Variants in ULK4 observed in about 807,000 individuals in gnomAD.
ULK4 encodes unc-51 like kinase 4.
Under a neutral mutation model 160.6 loss-of-function variants are expected in ULK4, and 133 were observed. The ratio of observed to expected loss-of-function variants is 0.83; its 90% CI spans 0.72 to 0.96. The LOEUF (loss-of-function observed/expected upper bound fraction) is 0.96, where lower values mean the gene tolerates loss of function less well. Among genes scored for constraint, ULK4 ranks in the 40% least tolerant of loss-of-function variants. The pLI, the probability that ULK4 is intolerant of heterozygous loss-of-function variation, is 0.00. For missense variants in ULK4, 1,580 were observed against 1,499.5 expected (o/e 1.05, Z -0.89); for synonymous variants, 534 against 539.8 (o/e 0.99, Z 0.15).
At chr3:41,782,410 G>C (rs758748646) in intron 21 of ULK4, among the ~76,000 whole-genome samples, 2 of 152,066 alleles carry the variant, frequency 1.3e-5, no homozygotes, top group Admixed American at 6.6e-5. Flanking sequence ...ATTTAGAACA[G>C]AGACACAGCT....
intron 35 of ULK4, among the ~76,000 whole-genome samples, chr3:41,372,034 A>T (rs1220690918): frequency 2.6e-5 from 4 of 151,814 alleles, no homozygotes; most frequent in Non-Finnish European, 5.9e-5. Flanking sequence ...CAAGCAGAAG[A>T]AAGGATATCA....
At chr3:41,709,669 G>C (rs920398618) in intron 25 of ULK4, among the ~76,000 whole-genome samples, 1 of 152,202 alleles carries the variant, frequency 6.6e-6, no homozygotes, top group Non-Finnish European at 1.5e-5. Context: ...ACAGGCGTGA[G>C]CCACCATGCC....
At chr3:41,702,414 G>A (rs1177646896) in intron 27 of ULK4, among the ~76,000 whole-genome samples, 1 of 151,986 alleles carries the variant, frequency 6.6e-6, no homozygotes, top group Non-Finnish European at 1.5e-5. Flanking sequence ...CAAAGTGCTG[G>A]GATTACAGGC....
intron 34 of ULK4, among the ~76,000 whole-genome samples, chr3:41,433,864 C>T (rs1183540119): frequency 4.6e-5 from 7 of 152,160 alleles, no homozygotes; most frequent in South Asian, 2.1e-4. Flanking sequence ...GGACTACAGG[C>T]GCCCGCCACC....
chr3:41,441,500 T>C (rs1477763766), intron 34 of ULK4, among the ~76,000 whole-genome samples: 2 of 152,082 alleles, frequency 1.3e-5, no homozygotes, highest in Non-Finnish European at 2.9e-5. Context: ...TACATATTTA[T>C]CAATTTATAA....
At chr3:41,418,929 G>C (rs567084723) in intron 34 of ULK4, among the ~76,000 whole-genome samples, 145 of 152,296 alleles carry the variant, frequency 9.5e-4, no homozygotes, top group African/African-American at 3.4e-3. Context: ...GTTAGAAAAG[G>C]GTTCTTTGAG....
chr3:41,353,669 A>C (rs2080959254), intron 35 of ULK4, among the ~76,000 whole-genome samples: 1 of 141,292 alleles, frequency 7.1e-6, no homozygotes, highest in Non-Finnish European at 1.5e-5. Flanking sequence ...CCCTTTCTCT[A>C]ATAAATAATA....
intron 22 of ULK4, among the ~76,000 whole-genome samples, chr3:41,738,110 C>T (rs931985338): frequency 6.6e-6 from 1 of 151,856 alleles, no homozygotes; most frequent in African/African-American, 2.4e-5. Flanking sequence ...CCCATTTAAA[C>T]TATTTGTTCA....
chr3:41,497,643 A>G (rs761051562), intron 32 of ULK4, among the ~76,000 whole-genome samples: 1 of 152,202 alleles, frequency 6.6e-6, no homozygotes, highest in Non-Finnish European at 1.5e-5. Context: ...ACAAATAAGG[A>G]CATTCCATAT....
chr3:41,305,654 G>T (rs1186139039), intron 35 of ULK4, among the ~76,000 whole-genome samples: 1 of 151,912 alleles, frequency 6.6e-6, no homozygotes, highest in Non-Finnish European at 1.5e-5. Context: ...CGTCTGGGAA[G>T]TGAGGAGCGT....
intron 27 of ULK4, among the ~76,000 whole-genome samples, chr3:41,700,463 A>G (rs903268592): frequency 5.9e-5 from 9 of 152,174 alleles, no homozygotes; most frequent in African/African-American, 2.2e-4. Flanking sequence ...CACTCCTGAC[A>G]ACTGAGGAGG....
intron 32 of ULK4, among the ~76,000 whole-genome samples, chr3:41,480,396 T>C (rs2084283504): frequency 6.6e-6 from 1 of 152,040 alleles, no homozygotes; most frequent in African/African-American, 2.4e-5. Flanking sequence ...AAGAATACAG[T>C]TGACCCCTGA....
rs571200043 is a variant in ULK4 at position 41,457,757 on chromosome 3, G to C, written c.3394-2162C>G. Among the ~76,000 whole-genome samples, 406 of 152,238 alleles carry C rather than the reference G, an allele frequency of 2.7e-3. 3 individuals carry two copies. Among genetic ancestry groups the C allele is most frequent in the African/African-American group, 9.1e-3 (377 of 41,528 alleles). ...GTGTCCCTGTCACAACATCATGACT[G>C]TCTGCTCCATCCAGGTCCTCTGACT... On this transcript the variant is annotated intron_variant, in intron 33 of 36. Coordinates refer to ENST00000301831, the MANE Select transcript of ULK4 (RefSeq NM_017886.4).
At chr3:41,773,126 A>C (rs1413553558) in intron 21 of ULK4, among the ~76,000 whole-genome samples, 3 of 152,278 alleles carry the variant, frequency 2.0e-5, no homozygotes, top group South Asian at 2.1e-4. Context: ...ACTGAATGGA[A>C]AAAAACTGGA....
chr3:41,600,753 A>G (rs1362929395), intron 31 of ULK4, among the ~76,000 whole-genome samples: 3 of 152,194 alleles, frequency 2.0e-5, no homozygotes, highest in African/African-American at 7.2e-5. Context: ...CCGTGAGCTC[A>G]CCAAAGCCAA....
Position 41,463,093 on chromosome 3 carries a change from A to G in ULK4, c.3387T>C (p.Ala1129=), listed in dbSNP as rs772112968. ...LTYTSGIVRL[A]LQAQKSGSGE... ...AGGAAAACAGATCCTCTACCTGCAA[A>G]GCCAGCCGTACAATACCGGAGGTAT... The change falls in exon 33 of 37, where the codon GCT becomes GCC. Residue 1129 remains alanine, a synonymous_variant. Transcript: ENST00000301831. The G allele has an allele frequency of 5.0e-6, 8 of 1,612,910 alleles. No homozygotes were observed. The highest frequency in any genetic ancestry group is 4.4e-5 in the South Asian group (4 of 90,986).
intron 21 of ULK4, among the ~76,000 whole-genome samples, chr3:41,779,894 A>G (rs1423441550): frequency 4.2e-5 from 4 of 95,656 alleles, no homozygotes; most frequent in South Asian, 3.9e-4. Context: ...TAGATGACAC[A>G]TTAGTGGGTG....
At chr3:41,942,239 C>A (rs1468603139) in intron 2 of ULK4, among the ~76,000 whole-genome samples, 2 of 152,216 alleles carry the variant, frequency 1.3e-5, no homozygotes, top group South Asian at 2.1e-4. Context: ...TTTTTACCAG[C>A]CAGGTGCAGT....
At chr3:41,352,948 T>A (rs941414245) in intron 35 of ULK4, among the ~76,000 whole-genome samples, 1 of 152,110 alleles carries the variant, frequency 6.6e-6, no homozygotes, top group East Asian at 1.9e-4. Context: ...TTCCACCCAA[T>A]TGGGTGTCAG....
Sources: gnomAD v4.1 joint callset for allele counts (sites outside exome capture counted in the v4.1 genomes callset) on GRCh38, gnomAD v4.1.1 for gene constraint, MANE v1.5 for transcripts, NCBI Gene and HGNC (gene_info 2026-07-23, HGNC 2026-07-21) for gene names.